Variants in CLEC16A observed in about 807,000 individuals in gnomAD.
CLEC16A encodes protein CLEC16A.
Under a neutral mutation model 109.5 loss-of-function variants are expected in CLEC16A, and 51 were observed. That is an observed-to-expected ratio of 0.47 (90% CI 0.37 to 0.59). CLEC16A has a LOEUF of 0.59. Among genes scored for constraint, CLEC16A ranks in the 20% least tolerant of loss-of-function variants. The pLI, the probability that CLEC16A is intolerant of heterozygous loss-of-function variation, is 0.00. For synonymous variants in CLEC16A, 673 were observed against 564.2 expected (o/e 1.19, Z -2.73); for missense variants, 1,339 against 1,394.0 (o/e 0.96, Z 0.63).
chr16:11,054,715 A>G (rs911863570), intron 18 of CLEC16A, among the ~76,000 whole-genome samples: 1 of 152,152 alleles, frequency 6.6e-6, no homozygotes, highest in African/African-American at 2.4e-5. Context: ...TCATCTCACT[A>G]CGGTTCCTGT....
intron 1 of CLEC16A, among the ~76,000 whole-genome samples, chr16:10,951,180 C>G: frequency 6.6e-6 from 1 of 152,140 alleles, no homozygotes; most frequent in East Asian, 1.9e-4. Flanking sequence ...TTCTCTTCTC[C>G]AGGCATTTCA....
rs1166972391 is a variant in CLEC16A at position 11,166,487 on chromosome 16, C to G, written c.2741C>G (p.Thr914Ser). The change falls in exon 23 of 24, where the codon ACC (threonine) becomes AGC (serine). Residue 914 changes from threonine (T) to serine (S), a missense_variant. Thr to Ser is a moderately conservative substitution (Grantham distance 58, BLOSUM62 1). Transcript: ENST00000409790. ...ASGSPSGSGS[T>S]SHCDSGGTSS... is the part of the protein sequence containing the mutation. ...GGGAGCCCCAGCGGCAGCGGGAGCACCAGCCACTGCGACTCTGGAGGCACC... is the reference window on the plus strand; with the variant it reads ...GGGAGCCCCAGCGGCAGCGGGAGCAGCAGCCACTGCGACTCTGGAGGCACC... The G allele has an allele frequency of 6.2e-7, 1 of 1,609,394 alleles. No homozygotes were observed. Among genetic ancestry groups the G allele is most frequent in the Non-Finnish European group, 8.5e-7 (1 of 1,179,766 alleles).
At chr16:11,155,327 G>T (rs1026373637) in intron 22 of CLEC16A, among the ~76,000 whole-genome samples, 1 of 152,176 alleles carries the variant, frequency 6.6e-6, no homozygotes, top group Non-Finnish European at 1.5e-5. Context: ...ACACAGGCTC[G>T]TGGGGTGAAC....
At chr16:11,010,902 C>G (rs966264044) in intron 11 of CLEC16A, among the ~76,000 whole-genome samples, 1 of 152,132 alleles carries the variant, frequency 6.6e-6, no homozygotes, top group African/African-American at 2.4e-5. Flanking sequence ...AAACGTCCTT[C>G]ATTTTGTCTT....
chr16:11,039,111 GCA>G (rs2047180333), intron 13 of CLEC16A, among the ~76,000 whole-genome samples: 1 of 152,080 alleles, frequency 6.6e-6, no homozygotes, highest in South Asian at 2.1e-4. Flanking sequence ...CTCAGACCTG[GCA>G]CACAGTGGCA....
chr16:11,060,887 G>GAACT lies in CLEC16A; in HGVS notation c.1996-14_1996-11dup. 1 of 1,600,708 alleles carries GAACT rather than the reference G, an allele frequency of 6.2e-7. No homozygotes were observed. Among genetic ancestry groups the GAACT allele is most frequent in the Non-Finnish European group, 8.5e-7 (1 of 1,172,812 alleles). On this transcript the variant is annotated splice_polypyrimidine_tract_variant and intron_variant, in intron 18 of 23. Coordinates refer to ENST00000409790, the MANE Select transcript of CLEC16A (RefSeq NM_015226.3). Reference sequence around the variant, plus strand: ...GCAATCTCACTCTTCTCTGCTCTCTGAACTGTTGGTCCAGGCCATCCGGGT... The same window carrying GAACT: ...GCAATCTCACTCTTCTCTGCTCTCTGAACTAACTGTTGGTCCAGGCCATCCGGGT...
intron 1 of CLEC16A, among the ~76,000 whole-genome samples, chr16:10,957,401 G>A (rs879032493): frequency 3.9e-5 from 6 of 152,238 alleles, no homozygotes; most frequent in Admixed American, 6.5e-5. Context: ...TCAACATGAT[G>A]GGAAGCATAT....
chr16:11,114,686 T>TC (rs1055055283), intron 19 of CLEC16A, among the ~76,000 whole-genome samples: 1 of 152,072 alleles, frequency 6.6e-6, no homozygotes, highest in African/African-American at 2.4e-5. Flanking sequence ...CTAGCCTGTG[T>TC]CCCCCAGGGC....
In CLEC16A at chr16:11,016,498, G is replaced by A. The variant is rs532770613; in HGVS notation, c.1304-3695G>A. Reference sequence around the variant, plus strand: ...CCAGTAGTTGGGATTACAGGCGCCCGCCACCACACCCAGCTAATGTTTGTG... The same window carrying A: ...CCAGTAGTTGGGATTACAGGCGCCCACCACCACACCCAGCTAATGTTTGTG... On this transcript the variant is annotated intron_variant, in intron 11 of 23. Coordinates refer to ENST00000409790, the MANE Select transcript of CLEC16A (RefSeq NM_015226.3). Among the ~76,000 whole-genome samples the A allele has an allele frequency of 3.3e-5, 5 of 151,970 alleles. No homozygotes were observed. The South Asian group carries it at 6.3e-4, about 19-fold the overall frequency.
intron 19 of CLEC16A, among the ~76,000 whole-genome samples, chr16:11,085,477 T>G (rs2049961258): frequency 6.6e-6 from 1 of 152,286 alleles, no homozygotes; most frequent in African/African-American, 2.4e-5. Context: ...TCTTCATCTT[T>G]CTGCGTGTCT....
chr16:11,168,196 C>G (rs1567414667), intron 23 of CLEC16A, among the ~76,000 whole-genome samples: 1 of 152,230 alleles, frequency 6.6e-6, no homozygotes, highest in Non-Finnish European at 1.5e-5. Context: ...GGCTTCAACT[C>G]TGCACTTTCC....
intron 13 of CLEC16A, among the ~76,000 whole-genome samples, chr16:11,033,136 C>T (rs2046838461): frequency 1.3e-5 from 2 of 152,032 alleles, no homozygotes; most frequent in Non-Finnish European, 2.9e-5. Flanking sequence ...GCGCTAGAGC[C>T]AGGACGTGCT....
chr16:10,959,014 GGTGTGTGTGTGTGTGTGT>G (rs59658260), intron 2 of CLEC16A, among the ~76,000 whole-genome samples: 3 of 146,190 alleles, frequency 2.1e-5, no homozygotes, highest in African/African-American at 7.6e-5. Context: ...ACTAAACACG[GGTGTGTGTGTGTGTGTGT>G]GTGTGTGTGT....
intron 3 of CLEC16A, 55 bp downstream of exon 3, chr16:10,962,643 A>G: frequency 6.3e-7 from 1 of 1,593,608 alleles, no homozygotes; most frequent in South Asian, 1.1e-5. Context: ...AGCAGGGTGA[A>G]GTTGGGCGTG....
chr16:10,997,762 TC>T (rs1370525896), intron 10 of CLEC16A, among the ~76,000 whole-genome samples: 1 of 152,250 alleles, frequency 6.6e-6, no homozygotes, highest in Non-Finnish European at 1.5e-5. Flanking sequence ...TGTATATTCT[TC>T]CAGACCTTTC....
intron 13 of CLEC16A, among the ~76,000 whole-genome samples, chr16:11,030,590 G>T (rs6498152): frequency 6.6e-6 from 1 of 151,988 alleles, no homozygotes; most frequent in Admixed American, 6.5e-5. Flanking sequence ...TCCTTAGCCC[G>T]TTTTTTAAAT....
intron 19 of CLEC16A, among the ~76,000 whole-genome samples, chr16:11,102,816 G>A (rs1030279662): frequency 6.6e-6 from 1 of 152,332 alleles, no homozygotes; most frequent in Non-Finnish European, 1.5e-5. Context: ...CACTATCCTA[G>A]CACCTTACAA....
intron 19 of CLEC16A, among the ~76,000 whole-genome samples, chr16:11,107,978 G>A (rs1434933185): frequency 6.6e-6 from 1 of 152,206 alleles, no homozygotes; most frequent in East Asian, 1.9e-4. Flanking sequence ...GCAGTATGGT[G>A]GCCAAGGCCC....
intron 7 of CLEC16A, among the ~76,000 whole-genome samples, chr16:10,976,476 A>G (rs957874307): frequency 6.6e-6 from 1 of 152,208 alleles, no homozygotes; most frequent in Non-Finnish European, 1.5e-5. Context: ...CAAAATGTTA[A>G]TAGTGGATAT....
Sources: allele counts gnomAD v4.1 joint callset (sites outside exome capture counted in the v4.1 genomes callset), GRCh38; gene constraint gnomAD v4.1.1; transcripts MANE v1.5; gene names NCBI Gene and HGNC (gene_info 2026-07-23, HGNC 2026-07-21).